The following PATJ variants were observed in gnomAD, a reference collection of about 807,000 sequenced individuals.
The protein encoded by PATJ is PATJ crumbs cell polarity complex component, also known as inaD-like protein.
Under a neutral mutation model 224.9 loss-of-function variants are expected in PATJ, and 190 were observed. That is an observed-to-expected ratio of 0.84 (90% confidence interval 0.75 to 0.95). The LOEUF is 0.95. Ranked by LOEUF, PATJ falls within the 40% of genes least tolerant of loss-of-function variation. The pLI, the probability that PATJ is intolerant of heterozygous loss-of-function variation, is 0.00. For missense variants in PATJ, 2,121 were observed against 2,270.3 expected, an observed-to-expected ratio of 0.93 and a Z score of 1.34; for synonymous variants, 769 against 820.3, an observed-to-expected ratio of 0.94 and a Z score of 1.07.
chr1:61,899,318 G>A (rs147027853), intron 22 of PATJ, among the ~76,000 whole-genome samples: 3 of 152,056 alleles, frequency 2.0e-5, no homozygotes, highest in South Asian at 2.1e-4. Context: ...CAAATCAAAC[G>A]CAAACTTTTA....
chr1:61,875,300 A>T lies in PATJ; in HGVS notation c.2893A>T (p.Ser965Cys). 1 of 1,610,064 alleles carries T rather than the reference A, an allele frequency of 6.2e-7. No individual in the cohort carries two copies. Among genetic ancestry groups the T allele is most frequent in the Non-Finnish European group, 8.5e-7 (1 of 1,176,694 alleles). The change falls in exon 21 of 44, where the codon AGT (serine) becomes TGT (cysteine). Residue 965 changes from serine (S) to cysteine (C), a missense_variant. Physicochemically the swap from Ser to Cys is moderately radical, Grantham distance 112. Transcript: ENST00000642238. The part of the protein sequence containing the change: ...LPSVPSTEGN[S>C]QQGRFDDLEN... ...ATCTGTACCATCAACTGAAGGAAACAGTCAACAAGGCAGATTTGACGACCT... is the reference window on the plus strand; with the variant it reads ...ATCTGTACCATCAACTGAAGGAAACTGTCAACAAGGCAGATTTGACGACCT...
At chr1:62,104,367 G>C (rs930326902) in intron 33 of PATJ, among the ~76,000 whole-genome samples, 1 of 151,920 alleles carries the variant, frequency 6.6e-6, no homozygotes, top group Non-Finnish European at 1.5e-5. Flanking sequence ...TTACTCTTCT[G>C]TTCCACTCTC....
intron 27 of PATJ, among the ~76,000 whole-genome samples, chr1:61,940,509 G>A (rs1465531317): frequency 6.6e-6 from 1 of 152,112 alleles, no homozygotes; most frequent in Non-Finnish European, 1.5e-5. Context: ...GAGGTCAAGA[G>A]ATTGAGACCA....
At chr1:62,085,976 T>C (rs1000250608) in intron 33 of PATJ, among the ~76,000 whole-genome samples, 1 of 152,100 alleles carries the variant, frequency 6.6e-6, no homozygotes, top group Non-Finnish European at 1.5e-5. Context: ...TTTTTATTGT[T>C]TTTTATTTTT....
Position 62,066,675 on chromosome 1 carries a change from A to C in PATJ, c.4126-12775A>C, listed in dbSNP as rs184730311. On this transcript the variant is annotated intron_variant, in intron 31 of 43. Coordinates refer to ENST00000642238, the MANE Select transcript of PATJ (RefSeq NM_001350145.3). ...CCTGCCAACTGCACAGACAAAATCA[A>C]CCCACTGAGACCACAGCATTGCAGT... Among the ~76,000 whole-genome samples, 353 of 152,302 alleles carry C rather than the reference A, an allele frequency of 2.3e-3. 3 individuals carry two copies. The highest frequency in any genetic ancestry group is 8.2e-3 in the African/African-American group (339 of 41,552).
At chr1:62,042,227 C>T (rs565121619) in intron 30 of PATJ, among the ~76,000 whole-genome samples, 23 of 152,228 alleles carry the variant, frequency 1.5e-4, no homozygotes, top group African/African-American at 4.1e-4. Flanking sequence ...GCTATGCGGG[C>T]GATGTTTCTA....
At chr1:61,748,246 C>CTTTTTTTTTT (rs35918825) in intron 1 of PATJ, among the ~76,000 whole-genome samples, 1 of 65,108 alleles carries the variant, frequency 1.5e-5, no homozygotes, top group African/African-American at 6.5e-5. Context: ...GCCTTAATGC[C>CTTTTTTTTTT]TTTTTTTTTT....
At chr1:62,130,438 G>A (rs775585525) in intron 41 of PATJ, among the ~76,000 whole-genome samples, 1 of 152,100 alleles carries the variant, frequency 6.6e-6, no homozygotes, top group Non-Finnish European at 1.5e-5. Context: ...GCCAAGGCAG[G>A]AGAATTGCTT....
intron 32 of PATJ, among the ~76,000 whole-genome samples, chr1:62,080,832 T>G (rs1358271652): frequency 3.3e-5 from 5 of 152,198 alleles, no homozygotes; most frequent in Non-Finnish European, 1.5e-5. Flanking sequence ...GTAGATGTAC[T>G]AAAACATTTG....
chr1:61,859,648 C>T (rs1664246903), intron 18 of PATJ, among the ~76,000 whole-genome samples: 1 of 151,916 alleles, frequency 6.6e-6, no homozygotes, highest in Admixed American at 6.6e-5. Context: ...GATGGAGTTT[C>T]ACTCTTGTTG....
intron 17 of PATJ, among the ~76,000 whole-genome samples, chr1:61,839,833 C>T (rs1046291867): frequency 7.2e-5 from 11 of 151,888 alleles, no homozygotes; most frequent in Non-Finnish European, 1.5e-4. Flanking sequence ...CAATTTTTGC[C>T]AAAGCTGATA....
intron 41 of PATJ, among the ~76,000 whole-genome samples, chr1:62,142,800 A>C (rs1225666756): frequency 6.6e-6 from 1 of 152,138 alleles, no homozygotes; most frequent in East Asian, 1.9e-4. Context: ...CTGGAGAGGG[A>C]ACTGGAATGT....
At chr1:61,858,499 C>T (rs973356763) in intron 18 of PATJ, among the ~76,000 whole-genome samples, 2 of 152,118 alleles carry the variant, frequency 1.3e-5, no homozygotes, top group African/African-American at 4.8e-5. Flanking sequence ...TGAGCTCAAA[C>T]AATCCACCTG....
intron 42 of PATJ, among the ~76,000 whole-genome samples, chr1:62,152,564 T>C (rs944365720): frequency 6.6e-6 from 1 of 151,886 alleles, no homozygotes; most frequent in Non-Finnish European, 1.5e-5. Context: ...GGCAGGAGAA[T>C]TGCTTGAATC....
At chr1:62,157,709 C>A (rs1282865390) in intron 43 of PATJ, among the ~76,000 whole-genome samples, 2 of 146,868 alleles carry the variant, frequency 1.4e-5, no homozygotes, top group Non-Finnish European at 1.5e-5. Flanking sequence ...CAGGTGCCTC[C>A]AATCCCAGCT....
At chr1:61,988,151 A>G (rs12563258) in intron 27 of PATJ, among the ~76,000 whole-genome samples, 10,499 of 152,246 alleles carry the variant, frequency 0.069, 800 homozygotes, top group East Asian at 0.39. Context: ...CTGACCCAAG[A>G]TCGCACCACT....
chr1:61,800,287 G>A (rs1652208883), intron 11 of PATJ, among the ~76,000 whole-genome samples: 2 of 152,086 alleles, frequency 1.3e-5, no homozygotes, highest in African/African-American at 2.4e-5. Flanking sequence ...TTTAATAATG[G>A]CCATTCTGAC....
intron 27 of PATJ, among the ~76,000 whole-genome samples, chr1:61,971,829 A>T (rs561892517): frequency 2.1e-4 from 16 of 77,976 alleles, no homozygotes; most frequent in African/African-American, 1.1e-3. Context: ...CCTATCTCTT[A>T]AAAAAAAAAA....
intron 17 of PATJ, among the ~76,000 whole-genome samples, chr1:61,839,130 C>T (rs534991044): frequency 6.6e-6 from 1 of 151,860 alleles, no homozygotes; most frequent in African/African-American, 2.4e-5. Context: ...CTTCTGCCGC[C>T]GACTCCTCCA....
Sources: allele counts gnomAD v4.1 joint callset (sites outside exome capture counted in the v4.1 genomes callset), GRCh38; gene constraint gnomAD v4.1.1; transcripts MANE v1.5; gene names NCBI Gene and HGNC (gene_info 2026-07-23, HGNC 2026-07-21).